CNTNAP3B: variants seen among roughly 807,000 people sequenced by gnomAD.
CNTNAP3B encodes contactin associated protein family member 3B, also known as contactin-associated protein-like 3B.
CNTNAP3B carries 25 observed loss-of-function variants against 108.9 expected under a neutral mutation model. That is an observed-to-expected ratio of 0.23 (90% CI 0.17 to 0.32). The LOEUF (loss-of-function observed/expected upper bound fraction) is 0.32, where lower values mean the gene tolerates loss of function less well. Among genes scored for constraint, CNTNAP3B ranks in the 10% least tolerant of loss-of-function variants. The pLI, the probability that CNTNAP3B is intolerant of heterozygous loss-of-function variation, is 1.00. For synonymous variants in CNTNAP3B, 103 were observed against 473.4 expected (o/e 0.22, Z 10.16); for missense variants, 252 against 1,210.4 (o/e 0.21, Z 11.75).
chr9:42,045,438 C>A, intron 3 of CNTNAP3B, among the ~76,000 whole-genome samples: 1 of 55,352 alleles, frequency 1.8e-5, no homozygotes, highest in Non-Finnish European at 3.3e-5. Flanking sequence ...AAAAGGAACC[C>A]CTTTTGCACC....
At chr9:42,070,698 C>G (rs1309176893) in intron 3 of CNTNAP3B, among the ~76,000 whole-genome samples, 2 of 152,166 alleles carry the variant, frequency 1.3e-5, no homozygotes, top group Admixed American at 1.3e-4. Context: ...TCAGTCCAGA[C>G]AGCTGCTGCC....
intron 14 of CNTNAP3B, among the ~76,000 whole-genome samples, chr9:41,935,154 T>A (rs1437529545): frequency 6.6e-6 from 1 of 152,310 alleles, no homozygotes. Context: ...TTTAAATATA[T>A]GTTTTTATAA....
chr9:42,066,677 C>A (rs1372893286), intron 3 of CNTNAP3B, among the ~76,000 whole-genome samples: 2 of 130,110 alleles, frequency 1.5e-5, no homozygotes, highest in Non-Finnish European at 3.2e-5. Flanking sequence ...GATCAACCTC[C>A]CAAAGTGCTG....
In CNTNAP3B at chr9:42,127,359, T is replaced by C. The variant is rs2925365; in HGVS notation, c.85+1651A>G. On this transcript the variant is annotated intron_variant, in intron 1 of 23. Coordinates refer to ENST00000377561, the MANE Select transcript of CNTNAP3B (RefSeq NM_001201380.3). ...CACTGGATTCCAAGCAAAATAACTA[T>C]CAATACAACTAATCCTGAGAATAAA... Among the ~76,000 whole-genome samples, 50 of 139,320 alleles carry C rather than the reference T, an allele frequency of 3.6e-4. 9 individuals carry two copies. The highest frequency in any genetic ancestry group is 1.4e-3 in the African/African-American group (49 of 35,176). The allele number at this position is 139,320 out of a possible 152,430, so 91.4% of individuals were successfully genotyped here. A position where few individuals can be genotyped will look rare whatever the true frequency, so the allele number is the denominator to read the frequency against.
chr9:41,934,456 T>A (rs1321581258), intron 14 of CNTNAP3B, among the ~76,000 whole-genome samples: 1 of 152,250 alleles, frequency 6.6e-6, no homozygotes, highest in African/African-American at 2.4e-5. Flanking sequence ...CTTCTGACCT[T>A]GTGATCTGCC....
At position 41,940,611 on chromosome 9, in the gene CNTNAP3B, T is replaced by C. The variant is rs1302172891; in HGVS notation, c.2081-2211A>G. Reference sequence around the variant, plus strand: ...GAGGTGGGCGGATCACGAGGTCAGATCGAGACCATCCTGGCTAACACGGTG... The same window carrying C: ...GAGGTGGGCGGATCACGAGGTCAGACCGAGACCATCCTGGCTAACACGGTG... On this transcript the variant is annotated intron_variant, in intron 13 of 23. Coordinates refer to ENST00000377561, the MANE Select transcript of CNTNAP3B (RefSeq NM_001201380.3). 5.2e-5 allele frequency among the ~76,000 whole-genome samples: 8 copies of C among 152,382 alleles called. No homozygotes were observed. The East Asian group carries it at 1.5e-3, about 29-fold the overall frequency.
chr9:42,114,261 AT>A (rs1828263635), intron 1 of CNTNAP3B, among the ~76,000 whole-genome samples: 1 of 121,932 alleles, frequency 8.2e-6, no homozygotes. Context: ...CATCAGCTAG[AT>A]TTTTTTCAGC....
chr9:41,929,423 A>G lies in CNTNAP3B; in HGVS notation c.2259T>C (p.Leu753=), dbSNP rs758647974. The change falls in exon 15 of 24, where the codon CTT becomes CTC. Residue 753 remains leucine, a synonymous_variant. Coordinates refer to ENST00000377561, the MANE Select transcript of CNTNAP3B (RefSeq NM_001201380.3). ...TGACTGGGAGGTGCTCCTTTTGGGA[A>G]AGGACTATTGTGTCACTAGTCCTAA... ...QNEWTSDTIV[L]SQKEHLPVTQ... 5.9e-6 allele frequency: 9 copies of G among 1,537,036 alleles called. 1 individual carries two copies. Among genetic ancestry groups the G allele is most frequent in the African/African-American group, 1.6e-5 (1 of 64,164 alleles).
At chr9:42,071,300 A>G (rs1182875415) in intron 3 of CNTNAP3B, among the ~76,000 whole-genome samples, 1 of 146,086 alleles carries the variant, frequency 6.8e-6, no homozygotes, top group Non-Finnish European at 1.5e-5. Flanking sequence ...TCTATCAGGA[A>G]GAGATAATTT....
At chr9:42,124,442 G>A (rs1828524433) in intron 1 of CNTNAP3B, among the ~76,000 whole-genome samples, 1 of 137,146 alleles carries the variant, frequency 7.3e-6, no homozygotes, top group Non-Finnish European at 1.5e-5. Flanking sequence ...GCAGATATAT[G>A]AATTCCTTGA....
At chr9:41,925,845 T>C (rs1823803998) in intron 15 of CNTNAP3B, among the ~76,000 whole-genome samples, 1 of 152,300 alleles carries the variant, frequency 6.6e-6, no homozygotes, top group East Asian at 1.9e-4. Flanking sequence ...ATCTTAAATT[T>C]TCTCTGCCAC....
chr9:41,922,013 AATATAGCTGTCAC>A (rs1275049209), intron 17 of CNTNAP3B, among the ~76,000 whole-genome samples: 1 of 146,374 alleles, frequency 6.8e-6, no homozygotes, highest in Admixed American at 6.8e-5. Context: ...GTGTTGATAA[AATATAGCTGTCAC>A]ATATGCCAAT....
At chr9:42,072,874 G>A (rs1421886460) in intron 3 of CNTNAP3B, among the ~76,000 whole-genome samples, 2 of 127,704 alleles carry the variant, frequency 1.6e-5, no homozygotes, top group Non-Finnish European at 3.3e-5. Flanking sequence ...TATTAGAAAG[G>A]TCATACTGTG....
At chr9:42,030,813 G>GGAGAGAGAGAGA (rs71274672) in intron 3 of CNTNAP3B, among the ~76,000 whole-genome samples, 2,647 of 65,638 alleles carry the variant, frequency 0.04, 265 homozygotes, top group Non-Finnish European at 0.047. Context: ...GAGAGAGAGA[G>GGAGAGAGAGAGA]GAGAGAGAGA....
At chr9:41,942,670 C>T (rs1470883133) in intron 13 of CNTNAP3B, among the ~76,000 whole-genome samples, 2 of 152,164 alleles carry the variant, frequency 1.3e-5, no homozygotes. Context: ...TTCTCCTCTC[C>T]CCGCACCTTA....
At chr9:41,958,877 C>T (rs1176723940) in intron 12 of CNTNAP3B, among the ~76,000 whole-genome samples, 1 of 140,110 alleles carries the variant, frequency 7.1e-6, no homozygotes, top group Non-Finnish European at 1.5e-5. Flanking sequence ...CCAACATTCA[C>T]TGTGAGAACC....
chr9:42,001,464 A>C (rs1437602046), intron 4 of CNTNAP3B, among the ~76,000 whole-genome samples: 3 of 134,768 alleles, frequency 2.2e-5, no homozygotes, highest in Non-Finnish European at 4.7e-5. Flanking sequence ...ATTCCCCTAC[A>C]ATATATATTT....
intron 3 of CNTNAP3B, among the ~76,000 whole-genome samples, chr9:42,055,477 C>A (rs1275600666): frequency 4.8e-5 from 7 of 144,638 alleles, no homozygotes; most frequent in Non-Finnish European, 1.1e-4. Flanking sequence ...GAGAACTGTA[C>A]TAACATATTT....
intron 3 of CNTNAP3B, among the ~76,000 whole-genome samples, chr9:42,062,835 T>A (rs1827198728): frequency 1.1e-5 from 1 of 95,200 alleles, no homozygotes; most frequent in South Asian, 3.2e-4. Context: ...GCTTTGTGGT[T>A]ACCAGGAGGC....
Sources: allele counts gnomAD v4.1 joint callset (sites outside exome capture counted in the v4.1 genomes callset), GRCh38; gene constraint gnomAD v4.1.1; transcripts MANE v1.5; gene names NCBI Gene and HGNC (gene_info 2026-07-23, HGNC 2026-07-21).